The following CCDC112 variants were observed in gnomAD, a reference collection of about 807,000 sequenced individuals.
CCDC112 encodes coiled-coil domain containing 112, also known as coiled-coil domain-containing protein 112.
In CCDC112, 40 loss-of-function variants were observed where a neutral mutation model predicts 66.3. The ratio of observed to expected loss-of-function variants is 0.60; its 90% CI spans 0.47 to 0.79. The LOEUF (loss-of-function observed/expected upper bound fraction) is 0.79, where lower values mean the gene tolerates loss of function less well. Ranked by LOEUF, CCDC112 falls within the 30% of genes least tolerant of loss-of-function variation. CCDC112 has a pLI of 0.00. For synonymous variants in CCDC112, 214 were observed against 197.2 expected (o/e 1.09, Z -0.71); for missense variants, 659 against 603.8 (o/e 1.09, Z -0.96).
intron 3 of CCDC112, chr5:115,277,299 GTCT>G: frequency 3.6e-6 from 1 of 276,386 alleles, no homozygotes; most frequent in East Asian, 7.4e-5. Context: ...CTAAGGAAAT[GTCT>G]TTTTTTCCCC....
At chr5:115,279,184 A>C (rs1749334707) in intron 3 of CCDC112, among the ~76,000 whole-genome samples, 1 of 152,118 alleles carries the variant, frequency 6.6e-6, no homozygotes, top group Non-Finnish European at 1.5e-5. Flanking sequence ...AGACAAGGAA[A>C]CTCAGGTTTA....
intron 8 of CCDC112, chr5:115,269,472 C>A (rs769949778): frequency 1.4e-4 from 66 of 471,126 alleles, no homozygotes; most frequent in Non-Finnish European, 2.1e-4. Context: ...GTAGGGGGAA[C>A]AATAATTCAG....
intron 1 of CCDC112, among the ~76,000 whole-genome samples, chr5:115,287,021 C>T (rs1012249628): frequency 1.3e-5 from 2 of 152,078 alleles, no homozygotes; most frequent in African/African-American, 4.8e-5. Context: ...GTAAATATAT[C>T]CCCCCATTCT....
intron 1 of CCDC112, among the ~76,000 whole-genome samples, chr5:115,294,180 T>A (rs1307905233): frequency 2.0e-5 from 3 of 152,218 alleles, no homozygotes; most frequent in African/African-American, 7.2e-5. Context: ...TAAAATAGTT[T>A]TAAAACTTCA....
In CCDC112 at chr5:115,267,945, G is replaced by A. The variant is rs1227130695; in HGVS notation, c.1548-27C>T. 1.1e-5 allele frequency: 18 copies of A among 1,574,718 alleles called. No individual in the cohort carries two copies. The Admixed American group carries it at 3.1e-4, about 27-fold the overall frequency. ...TAAGGAGAAAAAGAGAAAAGCAATT[G>A]TAAATATGTAGGAAATTAAAAAGAA... On this transcript the variant is annotated intron_variant, in intron 9 of 9. Transcript: ENST00000379611.
intron 1 of CCDC112, among the ~76,000 whole-genome samples, chr5:115,286,286 T>C (rs1749671621): frequency 6.6e-6 from 1 of 152,242 alleles, no homozygotes; most frequent in Non-Finnish European, 1.5e-5. Flanking sequence ...TTTATATAAA[T>C]GGGCTCATAC....
At chr5:115,275,944 T>A in intron 5 of CCDC112, 50 bp downstream of exon 5, 1 of 1,253,180 alleles carries the variant, frequency 8.0e-7, no homozygotes, top group Non-Finnish European at 1.2e-6. Flanking sequence ...GGGCCAGTTA[T>A]TAAAAAATAA....
chr5:115,291,504 A>G (rs1033097049), intron 1 of CCDC112, among the ~76,000 whole-genome samples: 2 of 152,162 alleles, frequency 1.3e-5, no homozygotes, highest in African/African-American at 2.4e-5. Flanking sequence ...AGAATGAGAA[A>G]TGTTCATTAA....
chr5:115,292,285 GTC>G (rs1458455203), intron 1 of CCDC112, among the ~76,000 whole-genome samples: 3 of 152,080 alleles, frequency 2.0e-5, no homozygotes, highest in Non-Finnish European at 4.4e-5. Flanking sequence ...CTGGTGTTGA[GTC>G]TCTCTAGTGA....
rs1419763344 is a variant in CCDC112, at chr5:115,292,052, G to A, written c.117+4375C>T. On this transcript the variant is annotated intron_variant, in intron 1 of 9. Coordinates refer to ENST00000379611, the MANE Select transcript of CCDC112 (RefSeq NM_001040440.3). Reference sequence around the variant, plus strand: ...GGTTAATGTTTTTCATCAAATTTGGGACGTCTTCTATTATTCTTCAAATAT... The same window carrying A: ...GGTTAATGTTTTTCATCAAATTTGGAACGTCTTCTATTATTCTTCAAATAT... Among the ~76,000 whole-genome samples the A allele has an allele frequency of 2.0e-5, 3 of 152,128 alleles. No homozygotes were observed. In the East Asian group the frequency reaches 5.8e-4, roughly 29 times the overall value.
chr5:115,286,291 T>C (rs1188272323), intron 1 of CCDC112, among the ~76,000 whole-genome samples: 1 of 152,212 alleles, frequency 6.6e-6, no homozygotes, highest in Non-Finnish European at 1.5e-5. Flanking sequence ...ATAAATGGGC[T>C]CATACAATGT....
intron 3 of CCDC112, among the ~76,000 whole-genome samples, chr5:115,279,101 A>G (rs146318668): frequency 2.0e-5 from 3 of 152,310 alleles, no homozygotes; most frequent in African/African-American, 7.2e-5. Flanking sequence ...TCTATAAGGT[A>G]CATTTTTATA....
chr5:115,288,951 G>GACTAT lies in CCDC112; in HGVS notation c.118-4044_118-4043insATAGT, dbSNP rs531895471. 1,275 of 409,086 alleles carry GACTAT rather than the reference G, an allele frequency of 3.1e-3. 4 individuals carry two copies. Among genetic ancestry groups the GACTAT allele is most frequent in the Non-Finnish European group, 4.5e-3 (958 of 210,846 alleles). The allele number at this position is 409,086 out of a possible 1,614,324, so 25.3% of individuals were successfully genotyped here. A position where few individuals can be genotyped will look rare whatever the true frequency, so the allele number is the denominator to read the frequency against. Reference sequence around the variant, plus strand: ...TGGATTGTACAAGGAGGGAGACAGGGACTACTAAGACACAGTAGATGATAT... The same window carrying GACTAT: ...TGGATTGTACAAGGAGGGAGACAGGGACTATACTACTAAGACACAGTAGATGATAT... On this transcript the variant is annotated intron_variant, in intron 1 of 9. Transcript: ENST00000379611.
chr5:115,283,985 G>A (rs1749566898), intron 2 of CCDC112, among the ~76,000 whole-genome samples: 1 of 151,802 alleles, frequency 6.6e-6, no homozygotes, highest in South Asian at 2.1e-4. Flanking sequence ...TAAAGAAAAA[G>A]TTCATATATA....
intron 1 of CCDC112, chr5:115,295,963 G>A (rs1479175028): frequency 1.0e-6 from 1 of 986,264 alleles, no homozygotes; most frequent in African/African-American, 1.7e-5. Flanking sequence ...AAACACCTCT[G>A]CCTCCGACCA....
In CCDC112 at chr5:115,269,014, TA is replaced by T; in HGVS notation, c.1429-15del. 6.9e-7 allele frequency: 1 copy of T among 1,443,304 alleles called. No individual in the cohort carries two copies. The highest frequency in any genetic ancestry group is 2.4e-5 in the East Asian group (1 of 41,362). The allele number at this position is 1,443,304 out of a possible 1,614,324, so 89.4% of individuals were successfully genotyped here. A position where few individuals can be genotyped will look rare whatever the true frequency, so the allele number is the denominator to read the frequency against. On this transcript the variant is annotated splice_polypyrimidine_tract_variant and intron_variant, in intron 8 of 9. Coordinates refer to ENST00000379611, the MANE Select transcript of CCDC112 (RefSeq NM_001040440.3). ...ATTGTTTTCAACCTGTAATCAGAAG[TA>T]AAATAGTACCAGTTAATTATACAAA...
chr5:115,279,265 T>G (rs1337144741), intron 3 of CCDC112, among the ~76,000 whole-genome samples: 1 of 152,108 alleles, frequency 6.6e-6, no homozygotes, highest in African/African-American at 2.4e-5. Context: ...GCTTACTGAG[T>G]CCAGGGCTCA....
At chr5:115,283,332 T>C (rs1374200144) in intron 2 of CCDC112, among the ~76,000 whole-genome samples, 1 of 152,070 alleles carries the variant, frequency 6.6e-6, no homozygotes, top group Non-Finnish European at 1.5e-5. Context: ...TATTCTCTGT[T>C]TCTGAGTTTG....
rs147714271 is a variant in CCDC112 at position 115,283,845 on chromosome 5, C to T, written c.239+942G>A. Among the ~76,000 whole-genome samples the T allele has an allele frequency of 7.0e-3, 1,062 of 152,106 alleles. 9 individuals carry two copies. Among genetic ancestry groups the T allele is most frequent in the African/African-American group, 0.019 (785 of 41,524 alleles). On this transcript the variant is annotated intron_variant, in intron 2 of 9. Transcript: ENST00000379611. ...TTGATACTATGTAGGTTCAAAGCAA[C>T]GTTTTGATAAAGCTCTCAACTGTAG... is the stretch of plus-strand genomic sequence containing the variant.
Sources: gnomAD v4.1 joint callset for allele counts (sites outside exome capture counted in the v4.1 genomes callset) on GRCh38, gnomAD v4.1.1 for gene constraint, MANE v1.5 for transcripts, NCBI Gene and HGNC (gene_info 2026-07-23, HGNC 2026-07-21) for gene names.